The following GTF2A1L variants were observed in gnomAD, a reference collection of about 807,000 sequenced individuals.
GTF2A1L encodes general transcription factor IIA subunit 1 like, also known as TFIIA-alpha and beta-like factor.
GTF2A1L carries 48 observed loss-of-function variants against 49.7 expected under a neutral mutation model. The ratio of observed to expected loss-of-function variants is 0.97; its 90% CI spans 0.77 to 1.23. The LOEUF (loss-of-function observed/expected upper bound fraction) is 1.23. Ranked by LOEUF, GTF2A1L falls within the 50% of genes most tolerant of loss-of-function variation. The pLI is 0.00. For synonymous variants in GTF2A1L, 246 were observed against 193.5 expected (o/e 1.27, Z -2.25); for missense variants, 736 against 564.8 (o/e 1.30, Z -3.07).
At chr2:48,620,143 T>A (rs1251237028) in intron 1 of GTF2A1L, among the ~76,000 whole-genome samples, 1 of 152,212 alleles carries the variant, frequency 6.6e-6, no homozygotes, top group Non-Finnish European at 1.5e-5. Context: ...TTGGCCACTT[T>A]GATAAAGAGG....
intron 6 of GTF2A1L, among the ~76,000 whole-genome samples, chr2:48,666,609 G>GTA (rs1465814923): frequency 6.6e-6 from 1 of 150,518 alleles, no homozygotes; most frequent in Admixed American, 6.6e-5. Flanking sequence ...GTGTGTGTGT[G>GTA]TGTTTGTGTG....
At chr2:48,642,811 A>G (rs564670750) in intron 4 of GTF2A1L, among the ~76,000 whole-genome samples, 24 of 151,990 alleles carry the variant, frequency 1.6e-4, no homozygotes, top group Non-Finnish European at 3.2e-4. Flanking sequence ...AGCTGAGATC[A>G]TGCCATTGCA....
chr2:48,663,835 A>C (rs1572762954), intron 6 of GTF2A1L, among the ~76,000 whole-genome samples: 1 of 151,918 alleles, frequency 6.6e-6, no homozygotes, highest in East Asian at 1.9e-4. Context: ...TTGGTCTTGA[A>C]CTCCTGAACT....
intron 6 of GTF2A1L, among the ~76,000 whole-genome samples, chr2:48,653,920 CAAAAAAAAAAA>C (rs70946819): frequency 9.2e-6 from 1 of 108,676 alleles, no homozygotes. Flanking sequence ...GACTGTGTCT[CAAAAAAAAAAA>C]AAAAAAAAAA....
At chr2:48,673,753 A>G (rs187668015) in intron 8 of GTF2A1L, among the ~76,000 whole-genome samples, 1 of 152,298 alleles carries the variant, frequency 6.6e-6, no homozygotes, top group East Asian at 1.9e-4. Context: ...GATATGATCT[A>G]ATGACAATAA....
intron 6 of GTF2A1L, among the ~76,000 whole-genome samples, chr2:48,647,670 T>C (rs1677603448): frequency 6.6e-6 from 1 of 152,066 alleles, no homozygotes; most frequent in Non-Finnish European, 1.5e-5. Flanking sequence ...CTAGTAATTT[T>C]GTTTCTCCCT....
Position 48,628,971 on chromosome 2 carries a change from C to T in GTF2A1L, c.247+7681C>T, listed in dbSNP as rs980998340. On this transcript the variant is annotated intron_variant, in intron 3 of 8. Transcript: ENST00000403751. The stretch of plus-strand genomic sequence containing the variant: ...AAGAAAGTGACTTTGCAGCCAGGTG[C>T]GGTGGCTCATGCCTGTAATCCCAGC... Among the ~76,000 whole-genome samples the T allele has an allele frequency of 1.8e-4, 26 of 143,568 alleles. 2 individuals carry two copies. Among genetic ancestry groups the T allele is most frequent in the Middle Eastern group, 3.5e-3 (1 of 284 alleles). 94.2% of individuals were successfully genotyped at this position (143,568 alleles called of 152,430 possible). A position where few individuals can be genotyped will look rare whatever the true frequency, so the allele number is the denominator to read the frequency against.
intron 1 of GTF2A1L, among the ~76,000 whole-genome samples, chr2:48,618,828 C>A (rs1370116548): frequency 6.6e-6 from 1 of 152,126 alleles, no homozygotes; most frequent in African/African-American, 2.4e-5. Flanking sequence ...GGATGCAATA[C>A]AAAGTCTGTG....
chr2:48,631,033 A>G (rs1466831754), intron 3 of GTF2A1L, among the ~76,000 whole-genome samples: 6 of 152,106 alleles, frequency 3.9e-5, no homozygotes, highest in African/African-American at 1.2e-4. Flanking sequence ...GTATTTTGTT[A>G]AGGATTTTTG....
rs577368140 is a variant in GTF2A1L, at chr2:48,620,886, T to C, written c.57T>C (p.Ile19=). 1.2e-6 allele frequency: 2 copies of C among 1,602,492 alleles called. No individual in the cohort carries two copies. The highest frequency in any genetic ancestry group is 1.7e-6 in the Non-Finnish European group (2 of 1,174,742). ...ACAGATCTGTAATTGAAGATGTAATTGAAGGAGTTCGGAATCTATTTGCTG... is the reference window on the plus strand; with the variant it reads ...ACAGATCTGTAATTGAAGATGTAATCGAAGGAGTTCGGAATCTATTTGCTG... ...KLYRSVIEDV[I]EGVRNLFAEE... The change falls in exon 2 of 9, where the codon ATT becomes ATC. Residue 19 remains isoleucine, a synonymous_variant. Transcript: ENST00000403751.
chr2:48,672,259 A>G (rs894341402), intron 8 of GTF2A1L, among the ~76,000 whole-genome samples: 3 of 152,246 alleles, frequency 2.0e-5, no homozygotes, highest in Admixed American at 6.5e-5. Flanking sequence ...TAGTATGTAC[A>G]AGGGACACTG....
rs766400736 is a variant in GTF2A1L at position 48,646,453 on chromosome 2, G to T, written c.389G>T (p.Gly130Val). Residue 130 changes from glycine (G) to valine (V), a missense_variant and splice_region_variant, in exon 6 of 9, where the codon GGT becomes GTT. Transcript: ENST00000403751. ...PAGVTLQTVS[G>V]HLYKVNVPIM... ...ACAATTTTGCTTTCTCCTTTTTAAG[G>T]TCACCTTTATAAAGTCAATGTACCA... 2 of 1,570,442 alleles carry T rather than the reference G, an allele frequency of 1.3e-6. No homozygotes were observed. The highest frequency in any genetic ancestry group is 1.7e-4 in the Middle Eastern group (1 of 5,842).
intron 8 of GTF2A1L, among the ~76,000 whole-genome samples, chr2:48,677,803 A>G (rs1375067938): frequency 6.6e-6 from 1 of 152,008 alleles, no homozygotes; most frequent in Non-Finnish European, 1.5e-5. Flanking sequence ...TGTAGGTAGA[A>G]CTAACACTTA....
chr2:48,671,242 G>T (rs567020798), intron 7 of GTF2A1L, among the ~76,000 whole-genome samples: 2 of 151,888 alleles, frequency 1.3e-5, no homozygotes, highest in African/African-American at 4.8e-5. Flanking sequence ...TCGCTCTGTC[G>T]CTCAGGCTTG....
At chr2:48,639,261 G>A (rs1677073616) in intron 3 of GTF2A1L, among the ~76,000 whole-genome samples, 2 of 152,104 alleles carry the variant, frequency 1.3e-5, no homozygotes, top group Admixed American at 6.5e-5. Context: ...TAAACAAAAA[G>A]GACAAAGCTG....
intron 6 of GTF2A1L, among the ~76,000 whole-genome samples, chr2:48,663,469 T>TGAAACTTA (rs1277136960): frequency 1.3e-5 from 2 of 152,056 alleles, no homozygotes; most frequent in Admixed American, 1.3e-4. Flanking sequence ...CAATCAAAAC[T>TGAAACTTA]GAAACTTAAT....
chr2:48,642,365 T>A (rs571936368), intron 3 of GTF2A1L, 37 bp from the exon 4 acceptor site: 2 of 1,515,742 alleles, frequency 1.3e-6, no homozygotes, highest in East Asian at 2.3e-5. Context: ...AATTGGTAAA[T>A]TCTAATGAAT....
At chr2:48,645,157 G>A (rs1287391892) in intron 5 of GTF2A1L, 40 bp downstream of exon 5, 4 of 1,547,924 alleles carry the variant, frequency 2.6e-6, no homozygotes, top group Non-Finnish European at 2.6e-6. Flanking sequence ...TTTCAGCATT[G>A]GTACTATTTT....
intron 1 of GTF2A1L, 33 bp from the exon 2 acceptor site, chr2:48,620,818 T>TAAATAAAA: frequency 1.9e-6 from 2 of 1,060,634 alleles, no homozygotes; most frequent in Non-Finnish European, 1.3e-6. Context: ...AATAAATAAA[T>TAAATAAAA]AAAATGAAAC....
Sources: gnomAD v4.1 joint callset for allele counts (sites outside exome capture counted in the v4.1 genomes callset) on GRCh38, gnomAD v4.1.1 for gene constraint, MANE v1.5 for transcripts, NCBI Gene and HGNC (gene_info 2026-07-23, HGNC 2026-07-21) for gene names.